PI4KA: variants seen among roughly 807,000 people sequenced by gnomAD.
PI4KA encodes the protein PI4-kinase alpha.
In PI4KA, 122 loss-of-function variants were observed where a neutral mutation model predicts 271.4. The ratio of observed to expected loss-of-function variants is 0.45; its 90% CI spans 0.39 to 0.52. The LOEUF is 0.52. PI4KA is among the 20% of genes least tolerant of loss of function. The pLI is 0.00. For missense variants in PI4KA, 1,969 were observed against 2,769.1 expected (o/e 0.71, Z 6.48); for synonymous variants, 1,041 against 1,078.8 (o/e 0.96, Z 0.69).
intron 1 of PI4KA, among the ~76,000 whole-genome samples, chr22:20,844,479 T>C (rs545803607): frequency 8.5e-5 from 13 of 152,318 alleles, no homozygotes; most frequent in Non-Finnish European, 1.9e-4. Flanking sequence ...TAATATATAA[T>C]GTACAGTCAC....
intron 19 of PI4KA, among the ~76,000 whole-genome samples, chr22:20,768,185 C>T (rs1932707546): frequency 1.3e-5 from 2 of 151,902 alleles, no homozygotes; most frequent in Admixed American, 1.3e-4. Flanking sequence ...GTGGCCAATG[C>T]CCGGCTTAAT....
chr22:20,787,555 G>A lies in PI4KA; in HGVS notation c.2328+5638C>T, dbSNP rs145392423. On this transcript the variant is annotated intron_variant, in intron 19 of 54. Coordinates refer to ENST00000255882, the MANE Select transcript of PI4KA (RefSeq NM_058004.4). The stretch of plus-strand genomic sequence containing the variant: ...AAGAAGCCACCTCAAGACATATGAG[G>A]GGTGCCCTGGGCTAATGTTAGGGCT... The A allele has an allele frequency of 1.4e-3, 284 of 207,086 alleles. 6 individuals carry two copies. In the East Asian group the frequency reaches 0.032, roughly 23 times the overall value. 12.8% of individuals were successfully genotyped at this position (207,086 alleles called of 1,614,324 possible). A position where few individuals can be genotyped will look rare whatever the true frequency, so the allele number is the denominator to read the frequency against.
chr22:20,772,186 A>G (rs751044386), intron 19 of PI4KA, among the ~76,000 whole-genome samples: 11 of 152,234 alleles, frequency 7.2e-5, no homozygotes, highest in Non-Finnish European at 1.3e-4. Flanking sequence ...CATTTCAGAG[A>G]GCAGAATACT....
chr22:20,842,958 C>T lies in PI4KA; in HGVS notation c.157-4227G>A, dbSNP rs187713920. 1.7e-4 allele frequency among the ~76,000 whole-genome samples: 25 copies of T among 150,798 alleles called. 1 individual carries two copies. The highest frequency in any genetic ancestry group is 3.2e-4 in the African/African-American group (13 of 40,986). On this transcript the variant is annotated intron_variant, in intron 1 of 54. Transcript: ENST00000255882. ...CTAAAAATACAAAAAATTAGCCAGG[C>T]GTGGCGGCATGCGTCTATAGTCCCA... is the stretch of plus-strand genomic sequence containing the variant.
At chr22:20,776,167 CA>C (rs1170653580) in intron 19 of PI4KA, among the ~76,000 whole-genome samples, 2 of 152,076 alleles carry the variant, frequency 1.3e-5, no homozygotes, top group Admixed American at 6.6e-5. Flanking sequence ...ACCAAAAACA[CA>C]AAAAATTAAC....
At position 20,760,718 on chromosome 22, in the gene PI4KA, T is replaced by C. The variant is rs537961974; in HGVS notation, c.2791+586A>G. The stretch of plus-strand genomic sequence containing the variant: ...CTTTGTCTTCATAGGGTTTTGATCA[T>C]TGTAACATTTTTATGCCTTCCTACA... On this transcript the variant is annotated intron_variant, in intron 23 of 54. Coordinates refer to ENST00000255882, the MANE Select transcript of PI4KA (RefSeq NM_058004.4). 2.0e-4 allele frequency among the ~76,000 whole-genome samples: 31 copies of C among 152,298 alleles called. 2 individuals carry two copies. In the South Asian group the frequency reaches 4.8e-3, roughly 23 times the overall value.
At chr22:20,829,891 C>G (rs1232564430) in intron 3 of PI4KA, among the ~76,000 whole-genome samples, 1 of 152,114 alleles carries the variant, frequency 6.6e-6, no homozygotes, top group Admixed American at 6.6e-5. Flanking sequence ...TGATTTCTGC[C>G]TTAATTTCAT....
At chr22:20,763,443 T>G (rs937105931) in intron 22 of PI4KA, among the ~76,000 whole-genome samples, 3 of 145,958 alleles carry the variant, frequency 2.1e-5, no homozygotes, top group African/African-American at 7.6e-5. Flanking sequence ...GTTCTTTTTT[T>G]CTTTTTTTTT....
At chr22:20,725,187 C>T (rs989556050) in intron 42 of PI4KA, among the ~76,000 whole-genome samples, 1 of 152,190 alleles carries the variant, frequency 6.6e-6, no homozygotes, top group Non-Finnish European at 1.5e-5. Flanking sequence ...CACATGGAGT[C>T]TGCTGCCCAA....
intron 30 of PI4KA, 57 bp from the exon 31 acceptor site, chr22:20,742,821 T>C (rs1255332813): frequency 2.6e-6 from 4 of 1,563,804 alleles, no homozygotes; most frequent in Non-Finnish European, 3.5e-6. Flanking sequence ...GTGGGTAAGG[T>C]TCTGGAAGCC....
At chr22:20,834,209 G>C (rs1009969764) in intron 3 of PI4KA, among the ~76,000 whole-genome samples, 30 of 152,286 alleles carry the variant, frequency 2.0e-4, no homozygotes, top group African/African-American at 7.0e-4. Context: ...CACTCCAGGA[G>C]TGAGCCTATA....
At chr22:20,786,530 A>AGAGAGAAC (rs1016779010) in intron 19 of PI4KA, among the ~76,000 whole-genome samples, 6 of 152,168 alleles carry the variant, frequency 3.9e-5, no homozygotes, top group African/African-American at 1.4e-4. Context: ...TCAGCAAAAG[A>AGAGAGAAC]GAGAGAACAC....
intron 1 of PI4KA, among the ~76,000 whole-genome samples, chr22:20,858,238 C>T (rs1927861132): frequency 6.6e-6 from 1 of 152,180 alleles, no homozygotes; most frequent in Non-Finnish European, 1.5e-5. Context: ...CCCACTGCTC[C>T]GCACAGCCGC....
At chr22:20,850,961 C>T (rs1328060738) in intron 1 of PI4KA, among the ~76,000 whole-genome samples, 3 of 152,080 alleles carry the variant, frequency 2.0e-5, no homozygotes, top group Non-Finnish European at 4.4e-5. Context: ...AGGAGGATCC[C>T]TCAAACCAAG....
chr22:20,791,526 T>TG (rs1934645489), intron 19 of PI4KA, among the ~76,000 whole-genome samples: 2 of 152,132 alleles, frequency 1.3e-5, no homozygotes, highest in African/African-American at 2.4e-5. Flanking sequence ...GAGGCTGAAG[T>TG]GGGGCAGATC....
At chr22:20,785,948 T>C (rs1219155980) in intron 19 of PI4KA, 1 of 1,611,626 alleles carries the variant, frequency 6.2e-7, no homozygotes, top group African/African-American at 1.3e-5. Context: ...AAAATCATGA[T>C]TCTTTTGTAA....
chr22:20,787,222 AGAG>A (rs1934320606), intron 19 of PI4KA: 1 of 708,008 alleles, frequency 1.4e-6, no homozygotes, highest in East Asian at 2.7e-5. Flanking sequence ...ACGACCAAGA[AGAG>A]AGGCTTGTTG....
intron 23 of PI4KA, among the ~76,000 whole-genome samples, chr22:20,759,402 C>CTTTTTTTTTTTTTTTT (rs886192073): frequency 2.2e-3 from 229 of 102,862 alleles, no homozygotes; most frequent in Non-Finnish European, 2.7e-3. Flanking sequence ...CTTTTCTTTT[C>CTTTTTTTTTTTTTTTT]TTTTTTTTTT....
At chr22:20,757,706 G>T (rs1931455508) in intron 23 of PI4KA, among the ~76,000 whole-genome samples, 1 of 152,048 alleles carries the variant, frequency 6.6e-6, no homozygotes, top group African/African-American at 2.4e-5. Context: ...ACCGCACCTG[G>T]CTAATTTTTG....
Sources: allele counts gnomAD v4.1 joint callset (sites outside exome capture counted in the v4.1 genomes callset), GRCh38; gene constraint gnomAD v4.1.1; transcripts MANE v1.5; gene names NCBI Gene and HGNC (gene_info 2026-07-23, HGNC 2026-07-21).